GTSE1: variants seen among roughly 807,000 people sequenced by gnomAD.
GTSE1 encodes G2 and S-phase expressed 1.
Under a neutral mutation model 60.5 loss-of-function variants are expected in GTSE1, and 52 were observed. The ratio of observed to expected loss-of-function variants is 0.86; its 90% CI spans 0.69 to 1.08. The LOEUF (loss-of-function observed/expected upper bound fraction) is 1.08, where lower values mean the gene tolerates loss of function less well. Among genes scored for constraint, GTSE1 ranks in the 50% least tolerant of loss-of-function variants. GTSE1 has a pLI of 0.00. For missense variants in GTSE1, 937 were observed against 961.8 expected (o/e 0.97, Z 0.34); for synonymous variants, 368 against 386.5 (o/e 0.95, Z 0.56).
At position 46,319,858 on chromosome 22, in the gene GTSE1, T is replaced by A. The variant is rs1266256499; in HGVS notation, c.1433-3332T>A. Among the ~76,000 whole-genome samples, 1 of 151,840 alleles carries A rather than the reference T, an allele frequency of 6.6e-6. No homozygotes were observed. The highest frequency in any genetic ancestry group is 1.9e-4 in the East Asian group (1 of 5,174). On this transcript the variant is annotated intron_variant, in intron 7 of 11. Coordinates refer to ENST00000454366, the MANE Select transcript of GTSE1 (RefSeq NM_016426.7). This position sits in a 1 kb window ranked among gnomAD's most constrained non-coding sequence, Gnocchi z 5.0. ...AAAATTAGCCAGGCATGGTGGCGCA[T>A]GCCTGTAATCCCAGCTACTTGGGAA...
At position 46,329,468 on chromosome 22, in the gene GTSE1, C is replaced by A. The variant is rs200530117; in HGVS notation, c.2037C>A (p.His679Gln). The change falls in exon 11 of 12, where the codon CAC becomes CAA. Residue 679 changes from histidine to glutamine, a missense_variant. Physicochemically the swap from His to Gln is conservative, Grantham distance 24 (BLOSUM62 0). Transcript: ENST00000454366. This position sits in a 1 kb window ranked among gnomAD's most constrained non-coding sequence, Gnocchi z 6.4. ...LIDFCDTPEA[H>Q]VAVGSESRPL... ...ACTTCTGCGATACCCCAGAAGCACA[C>A]GTGGCTGTAGGATCTGAAAGCAGGC... is the stretch of plus-strand genomic sequence containing the variant. 6.2e-7 allele frequency: 1 copy of A among 1,614,124 alleles called. No homozygotes were observed. The highest frequency in any genetic ancestry group is 2.2e-5 in the East Asian group (1 of 44,880).
intron 1 of GTSE1, 68 bp downstream of exon 1, chr22:46,296,999 T>C (rs1287592998): frequency 5.4e-6 from 1 of 184,432 alleles, no homozygotes; most frequent in Non-Finnish European, 1.1e-5. Flanking sequence ...TGCCCGCCGT[T>C]TTCGGGACGG....
chr22:46,312,348 G>A (rs1285460834), intron 5 of GTSE1, 43 bp downstream of exon 5: 3 of 1,572,100 alleles, frequency 1.9e-6, no homozygotes, highest in Non-Finnish European at 2.6e-6. Flanking sequence ...TGCTGGGAAT[G>A]AGGTGGCAGC....
chr22:46,315,985 GC>G, intron 6 of GTSE1, 46 bp from the exon 7 acceptor site: 3 of 1,404,294 alleles, frequency 2.1e-6, no homozygotes, highest in Non-Finnish European at 2.9e-6. Context: ...TTGTTAAATA[GC>G]TTCATACTTT....
chr22:46,315,644 T>G (rs2077774580), intron 6 of GTSE1, among the ~76,000 whole-genome samples: 1 of 152,248 alleles, frequency 6.6e-6, no homozygotes, highest in South Asian at 2.1e-4. Context: ...AATCAACCAG[T>G]AACAATTGCG....
rs2077870480 is a variant in GTSE1, at chr22:46,330,544, T to C, written c.*414T>C. On this transcript the variant is annotated 3_prime_UTR_variant, in exon 12 of 12. Transcript: ENST00000454366. This position sits in a 1 kb window ranked among gnomAD's most constrained non-coding sequence, Gnocchi z 6.0. ...TTTATTTGAAAAAGAAAAATAAGCA[T>C]AAATATATTCCCAGTGCTGGAGAGG... The C allele has an allele frequency of 5.8e-6, 1 of 172,912 alleles. No homozygotes were observed. Among genetic ancestry groups the C allele is most frequent in the Non-Finnish European group, 1.2e-5 (1 of 80,980 alleles). The allele number at this position is 172,912 out of a possible 1,614,324, so 10.7% of individuals were successfully genotyped here.
rs944765445 is a variant in GTSE1 at position 46,321,376 on chromosome 22, C to T, written c.1433-1814C>T. ...CAGTGATCAAGCCACTGCACTCCAG[C>T]CTGGGTGACAGAGCAAGACCTTGTT... On this transcript the variant is annotated intron_variant, in intron 7 of 11. Coordinates refer to ENST00000454366, the MANE Select transcript of GTSE1 (RefSeq NM_016426.7). The surrounding 1 kb of genome is among the most constrained non-coding windows in gnomAD (Gnocchi z 4.0). Among the ~76,000 whole-genome samples the T allele has an allele frequency of 6.6e-6, 1 of 152,194 alleles. No homozygotes were observed. Among genetic ancestry groups the T allele is most frequent in the Non-Finnish European group, 1.5e-5 (1 of 68,044 alleles).
At chr22:46,311,020 G>C (rs193041980) in intron 4 of GTSE1, among the ~76,000 whole-genome samples, 1 of 152,256 alleles carries the variant, frequency 6.6e-6, no homozygotes, top group East Asian at 1.9e-4. Context: ...GTGGGGCTGG[G>C]GAGGATGAGG....
chr22:46,308,265 T>TC, intron 3 of GTSE1, 54 bp from the exon 4 acceptor site: 1 of 1,605,622 alleles, frequency 6.2e-7, no homozygotes, highest in South Asian at 1.1e-5. Context: ...GTAAAGTCTT[T>TC]CCTTTAAATG....
rs1016035656 is a variant in GTSE1 at position 46,309,505 on chromosome 22, C to T, written c.762+562C>T. Among the ~76,000 whole-genome samples the T allele has an allele frequency of 6.6e-5, 10 of 152,090 alleles. No individual in the cohort carries two copies. Among genetic ancestry groups the T allele is most frequent in the Non-Finnish European group, 1.2e-4 (8 of 67,996 alleles). ...TCGGGAGAGGCCACAGAGAGGAAGA[C>T]GGGGCGGGTGGGAGCCCCGGGGCCC... On this transcript the variant is annotated intron_variant, in intron 4 of 11. Transcript: ENST00000454366. The surrounding 1 kb of genome is among the most constrained non-coding windows in gnomAD (Gnocchi z 6.2).
At chr22:46,296,968 G>C (rs1008414137) in intron 1 of GTSE1, 37 bp downstream of exon 1, 1 of 175,646 alleles carries the variant, frequency 5.7e-6, no homozygotes, top group Non-Finnish European at 1.2e-5. Flanking sequence ...AGGCTTGCCC[G>C]GTGGGCCCGG....
intron 9 of GTSE1, among the ~76,000 whole-genome samples, chr22:46,328,363 A>G (rs112928085): frequency 0.041 from 6,218 of 152,294 alleles, 433 homozygotes; most frequent in African/African-American, 0.14. Context: ...GCCGTGGCTC[A>G]AGGAGGGGTC....
chr22:46,329,306 TG>T lies in GTSE1; in HGVS notation c.1927-50del. ...GAGCAAAGCTCACATTCTCCCAAGATGGTTGCCAGAAAGATGCTGGACTCTG... is the reference window on the plus strand; with the variant it reads ...GAGCAAAGCTCACATTCTCCCAAGATGTTGCCAGAAAGATGCTGGACTCTG... On this transcript the variant is annotated intron_variant, in intron 10 of 11. Coordinates refer to ENST00000454366, the MANE Select transcript of GTSE1 (RefSeq NM_016426.7). The surrounding 1 kb of genome is among the most constrained non-coding windows in gnomAD (Gnocchi z 6.4). 1 of 1,392,504 alleles carries T rather than the reference TG, an allele frequency of 7.2e-7. No individual in the cohort carries two copies. Among genetic ancestry groups the T allele is most frequent in the Middle Eastern group, 1.8e-4 (1 of 5,616 alleles). The allele number at this position is 1,392,504 out of a possible 1,614,324, so 86.3% of individuals were successfully genotyped here.
In GTSE1 at chr22:46,330,134, G is replaced by C; in HGVS notation, c.*4G>C. 6.4e-7 allele frequency: 1 copy of C among 1,568,650 alleles called. No homozygotes were observed. Among genetic ancestry groups the C allele is most frequent in the Middle Eastern group, 1.7e-4 (1 of 5,968 alleles). On this transcript the variant is annotated 3_prime_UTR_variant, in exon 12 of 12. Coordinates refer to ENST00000454366, the MANE Select transcript of GTSE1 (RefSeq NM_016426.7). The surrounding 1 kb of genome is among the most constrained non-coding windows in gnomAD (Gnocchi z 6.0). The stretch of plus-strand genomic sequence containing the variant: ...TTCCCCACTCCTCAAGTTCTAAGCC[G>C]AACCAAATCCTTTGCCTTGAAAGAA...
chr22:46,312,324 C>T lies in GTSE1; in HGVS notation c.927+19C>T. On this transcript the variant is annotated intron_variant, in intron 5 of 11. Coordinates refer to ENST00000454366, the MANE Select transcript of GTSE1 (RefSeq NM_016426.7). The stretch of plus-strand genomic sequence containing the variant: ...AAACAAGGTGAGTTGGCTGCTGGGG[C>T]CCAAACTTGTGGTTGCTGGGAATGA... 1.3e-6 allele frequency: 2 copies of T among 1,596,478 alleles called. No homozygotes were observed. Among genetic ancestry groups the T allele is most frequent in the Admixed American group, 1.7e-5 (1 of 57,402 alleles).
At chr22:46,323,320 C>T in intron 8 of GTSE1, 58 bp downstream of exon 8, 1 of 1,272,500 alleles carries the variant, frequency 7.9e-7, no homozygotes, top group African/African-American at 1.5e-5. Context: ...CACGCATCTG[C>T]TTACCTCAAC....
At chr22:46,315,204 A>G (rs926092224) in intron 6 of GTSE1, among the ~76,000 whole-genome samples, 1 of 152,002 alleles carries the variant, frequency 6.6e-6, no homozygotes, top group African/African-American at 2.4e-5. Flanking sequence ...GACTACAGGC[A>G]CCTGCCACCA....
chr22:46,305,375 C>G (rs1323078899), intron 2 of GTSE1, among the ~76,000 whole-genome samples: 1 of 138,596 alleles, frequency 7.2e-6, no homozygotes, highest in African/African-American at 2.7e-5. Context: ...TTTGGAAGGC[C>G]GAGATGGAGG....
rs1487741554 is a variant in GTSE1 at position 46,310,908 on chromosome 22, A to G, written c.763-1233A>G. On this transcript the variant is annotated intron_variant, in intron 4 of 11. Transcript: ENST00000454366. This position sits in a 1 kb window ranked among gnomAD's most constrained non-coding sequence, Gnocchi z 4.4. ...TGGCACCACTGAAAACATTTTGCTC[A>G]GTGAGAGAGGCCATAACAAAAGGTC... 6.6e-6 allele frequency among the ~76,000 whole-genome samples: 1 copy of G among 152,206 alleles called. No homozygotes were observed. The highest frequency in any genetic ancestry group is 6.5e-5 in the Admixed American group (1 of 15,268).
Sources: gnomAD v4.1 joint callset for allele counts (sites outside exome capture counted in the v4.1 genomes callset) on GRCh38, gnomAD v4.1.1 for gene constraint, Gnocchi (gnomAD v3.1) non-coding constraint, MANE v1.5 for transcripts, NCBI Gene and HGNC (gene_info 2026-07-23, HGNC 2026-07-21) for gene names.